The following ATP11A variants were observed in gnomAD, a reference collection of about 807,000 sequenced individuals.
The protein encoded by ATP11A is ATPase phospholipid transporting 11A.
A neutral mutation model predicts 154.4 loss-of-function variants in ATP11A; 81 were observed. The observed-to-expected ratio is 0.52, with a 90% CI of 0.44 to 0.63. The LOEUF (loss-of-function observed/expected upper bound fraction) is 0.63, where lower values mean the gene tolerates loss of function less well. Ranked by LOEUF, ATP11A falls within the 30% of genes least tolerant of loss-of-function variation. The pLI, the probability that ATP11A is intolerant of heterozygous loss-of-function variation, is 0.00. For missense variants in ATP11A, 1,316 were observed against 1,474.3 expected (o/e 0.89, Z 1.76); for synonymous variants, 623 against 585.9 (o/e 1.06, Z -0.91).
At chr13:112,819,157 C>G in intron 6 of ATP11A, 147 bp from the exon 7 acceptor site, 2 of 683,444 alleles carry the variant, frequency 2.9e-6, no homozygotes, top group Non-Finnish European at 5.1e-6. Flanking sequence ...GCAGGAATAA[C>G]AGTAGTACCT....
chr13:112,875,721 G>C lies in ATP11A; in HGVS notation c.3162-55G>C. 1.3e-6 allele frequency: 2 copies of C among 1,577,884 alleles called. No homozygotes were observed. The highest frequency in any genetic ancestry group is 2.3e-5 in the South Asian group (2 of 86,890). On this transcript the variant is annotated intron_variant, in intron 27 of 29. Coordinates refer to ENST00000375645, the MANE Select transcript of ATP11A (RefSeq NM_015205.3). The surrounding 1 kb of genome is among the most constrained non-coding windows in gnomAD (Gnocchi z 4.1). ...AGACGGCCTCTCCAGTGAGTAGAGA[G>C]GCCAGCCCCAGGGAGTACATGCCTC...
chr13:112,823,793 C>T (rs539579661), intron 9 of ATP11A, among the ~76,000 whole-genome samples: 1 of 152,254 alleles, frequency 6.6e-6, no homozygotes, highest in Non-Finnish European at 1.5e-5. Flanking sequence ...CAAGTGTGCC[C>T]CACTGTCAGA....
At chr13:112,829,967 C>G (rs910144563) in intron 12 of ATP11A, among the ~76,000 whole-genome samples, 36 of 152,198 alleles carry the variant, frequency 2.4e-4, no homozygotes, top group African/African-American at 7.5e-4. Flanking sequence ...ACAATCTTAT[C>G]TCTGCGTCCC....
In ATP11A at chr13:112,795,427, T is replaced by C. The variant is rs77956346; in HGVS notation, c.163-9530T>C. ...CATAGAGAGGAGCATTGTAAATCTCTGTGGCTCGTCTCCACTGTCACAGTT... is the reference window on the plus strand; with the variant it reads ...CATAGAGAGGAGCATTGTAAATCTCCGTGGCTCGTCTCCACTGTCACAGTT... On this transcript the variant is annotated intron_variant, in intron 2 of 29. Coordinates refer to ENST00000375645, the MANE Select transcript of ATP11A (RefSeq NM_015205.3). Among the ~76,000 whole-genome samples, 92 of 152,354 alleles carry C rather than the reference T, an allele frequency of 6.0e-4. No individual in the cohort carries two copies. In the East Asian group the frequency reaches 0.018, roughly 29 times the overall value.
At chr13:112,736,570 A>G (rs1275595453) in intron 1 of ATP11A, among the ~76,000 whole-genome samples, 2 of 152,196 alleles carry the variant, frequency 1.3e-5, no homozygotes, top group Non-Finnish European at 2.9e-5. Flanking sequence ...GCTGATGAGA[A>G]GTCCTGATCT....
intron 1 of ATP11A, among the ~76,000 whole-genome samples, chr13:112,742,832 C>T (rs1891700300): frequency 6.6e-6 from 1 of 152,214 alleles, no homozygotes; most frequent in African/African-American, 2.4e-5. Flanking sequence ...CAAGACTTTC[C>T]ACAGGTAGAC....
At chr13:112,819,536 A>C in intron 7 of ATP11A, 129 bp downstream of exon 7, 1 of 737,292 alleles carries the variant, frequency 1.4e-6, no homozygotes. Flanking sequence ...CTTAAAGATT[A>C]AGACTGAGTC....
chr13:112,865,772 A>G (rs1335071344), intron 25 of ATP11A, among the ~76,000 whole-genome samples: 3 of 152,200 alleles, frequency 2.0e-5, no homozygotes, highest in East Asian at 1.9e-4. Context: ...GATGGTCTCC[A>G]TCTCCTGACC....
At chr13:112,712,460 G>T (rs747425346) in intron 1 of ATP11A, among the ~76,000 whole-genome samples, 1 of 152,240 alleles carries the variant, frequency 6.6e-6, no homozygotes, top group Non-Finnish European at 1.5e-5. Context: ...GGGCCCCACA[G>T]TGTGGCTGAT....
chr13:112,766,632 G>A (rs953763691), intron 1 of ATP11A, among the ~76,000 whole-genome samples: 1 of 152,248 alleles, frequency 6.6e-6, no homozygotes, highest in Admixed American at 6.5e-5. Flanking sequence ...AGGGGAAGGG[G>A]GAGGGTTTCC....
At position 112,874,471 on chromosome 13, in the gene ATP11A, G is replaced by T. The variant is rs139353186; in HGVS notation, c.3161+795G>T. ...CAGGGTGGTCAGTCTAGAGACTGTC[G>T]CTGTAAGCCAGGAAACGACGCTGAG... On this transcript the variant is annotated intron_variant, in intron 27 of 29. Coordinates refer to ENST00000375645, the MANE Select transcript of ATP11A (RefSeq NM_015205.3). 1.8e-3 allele frequency among the ~76,000 whole-genome samples: 277 copies of T among 152,300 alleles called. 1 individual carries two copies. Among genetic ancestry groups the T allele is most frequent in the Non-Finnish European group, 3.2e-3 (216 of 68,016 alleles).
intron 1 of ATP11A, among the ~76,000 whole-genome samples, chr13:112,694,217 A>G (rs1358192649): frequency 6.6e-6 from 1 of 152,204 alleles, no homozygotes; most frequent in African/African-American, 2.4e-5. Flanking sequence ...TCTGAGGGTA[A>G]GAGCAGTACT....
At chr13:112,765,852 C>T (rs184275662) in intron 1 of ATP11A, among the ~76,000 whole-genome samples, 2 of 152,244 alleles carry the variant, frequency 1.3e-5, no homozygotes, top group South Asian at 2.1e-4. Context: ...TTTTCTGTAA[C>T]GACCTCCCGT....
chr13:112,867,743 C>T (rs905980538), intron 25 of ATP11A, among the ~76,000 whole-genome samples: 2 of 152,228 alleles, frequency 1.3e-5, no homozygotes, highest in Non-Finnish European at 2.9e-5. Context: ...CCACGGAACC[C>T]GCGTGCAGCC....
In ATP11A at chr13:112,751,608, C is replaced by T. The variant is rs145873844; in HGVS notation, c.40-33527C>T. On this transcript the variant is annotated intron_variant, in intron 1 of 29. Coordinates refer to ENST00000375645, the MANE Select transcript of ATP11A (RefSeq NM_015205.3). ...CCGGAAGGTGGAGGTTGCAGTGAGC[C>T]GAGATCGCACCAGTGCACTTCAGCC... Among the ~76,000 whole-genome samples the T allele has an allele frequency of 6.1e-4, 93 of 151,910 alleles. No individual in the cohort carries two copies. In the East Asian group the frequency reaches 0.017, roughly 28 times the overall value.
At chr13:112,783,714 C>T (rs1185443383) in intron 1 of ATP11A, among the ~76,000 whole-genome samples, 9 of 152,228 alleles carry the variant, frequency 5.9e-5, no homozygotes, top group South Asian at 2.1e-4. Context: ...CCCCGTATTC[C>T]GAGGTGGGCT....
chr13:112,730,100 AAG>A (rs1890331694), intron 1 of ATP11A, among the ~76,000 whole-genome samples: 1 of 152,194 alleles, frequency 6.6e-6, no homozygotes, highest in African/African-American at 2.4e-5. Context: ...TGGGAAATAA[AAG>A]AGCCCGTGGG....
intron 18 of ATP11A, among the ~76,000 whole-genome samples, chr13:112,853,604 C>G (rs147554765): frequency 6.6e-6 from 1 of 152,194 alleles, no homozygotes; most frequent in Non-Finnish European, 1.5e-5. Flanking sequence ...CGCTTACCCC[C>G]GACACCTTCT....
At position 112,882,208 on chromosome 13, in the gene ATP11A, G is replaced by T. The variant is rs554784956; in HGVS notation, c.*342G>T. 38 of 1,084,758 alleles carry T rather than the reference G, an allele frequency of 3.5e-5. No homozygotes were observed. The African/African-American group carries it at 6.0e-4, about 17-fold the overall frequency. The allele number at this position is 1,084,758 out of a possible 1,614,324, so 67.2% of individuals were successfully genotyped here. A position where few individuals can be genotyped will look rare whatever the true frequency, so the allele number is the denominator to read the frequency against. ...CTGTGGTTGTTGAGCCACACCAGTGGCCTCTGGGCATTCGGCTCAACGCAG... is the reference window on the plus strand; with the variant it reads ...CTGTGGTTGTTGAGCCACACCAGTGTCCTCTGGGCATTCGGCTCAACGCAG... On this transcript the variant is annotated 3_prime_UTR_variant, in exon 30 of 30. Coordinates refer to ENST00000375645, the MANE Select transcript of ATP11A (RefSeq NM_015205.3). The surrounding 1 kb of genome is among the most constrained non-coding windows in gnomAD (Gnocchi z 5.1).
Sources: gnomAD v4.1 joint callset for allele counts (sites outside exome capture counted in the v4.1 genomes callset) on GRCh38, gnomAD v4.1.1 for gene constraint, Gnocchi (gnomAD v3.1) non-coding constraint, MANE v1.5 for transcripts, NCBI Gene and HGNC (gene_info 2026-07-23, HGNC 2026-07-21) for gene names.